The following SPIDR variants were observed in gnomAD, a reference collection of about 807,000 sequenced individuals.
SPIDR encodes DNA repair-scaffolding protein.
Under a neutral mutation model 104.6 loss-of-function variants are expected in SPIDR, and 93 were observed. The observed-to-expected ratio is 0.89, with a 90% CI of 0.75 to 1.06. The LOEUF (loss-of-function observed/expected upper bound fraction) is 1.06. SPIDR is among the 50% of genes least tolerant of loss of function. The pLI, the probability that SPIDR is intolerant of heterozygous loss-of-function variation, is 0.00. For missense variants in SPIDR, 1,154 were observed against 1,111.2 expected, an observed-to-expected ratio of 1.04 and a Z score of -0.55; for synonymous variants, 431 against 416.9, an observed-to-expected ratio of 1.03 and a Z score of -0.41.
intron 1 of SPIDR, 22 bp downstream of exon 1, chr8:47,261,013 G>A: frequency 8.1e-7 from 1 of 1,227,558 alleles, no homozygotes; most frequent in South Asian, 4.1e-5. Context: ...GGCGGGAGTG[G>A]GCGCCGCGCC....
intron 10 of SPIDR, among the ~76,000 whole-genome samples, chr8:47,648,157 T>C (rs898143413): frequency 6.6e-6 from 1 of 152,146 alleles, no homozygotes; most frequent in African/African-American, 2.4e-5. Flanking sequence ...GATAAAGACA[T>C]GGTGCAGAAC....
intron 10 of SPIDR, among the ~76,000 whole-genome samples, chr8:47,630,920 A>G (rs1336151120): frequency 1.3e-5 from 2 of 152,178 alleles, no homozygotes; most frequent in Admixed American, 6.5e-5. Flanking sequence ...GGCAGAAGGC[A>G]CAGTACCCCT....
chr8:47,693,216 A>G (rs2078914077), intron 11 of SPIDR, among the ~76,000 whole-genome samples: 1 of 152,236 alleles, frequency 6.6e-6, no homozygotes, highest in Non-Finnish European at 1.5e-5. Context: ...GGGTGACATA[A>G]AAGTAGATAA....
chr8:47,659,690 G>A (rs2073729455), intron 10 of SPIDR: 5 of 980,104 alleles, frequency 5.1e-6, no homozygotes, highest in Non-Finnish European at 4.8e-6. Flanking sequence ...CTTGCGCTCA[G>A]GTTCCAGCCC....
rs188647349 is a variant in SPIDR at position 47,546,711 on chromosome 8, G to A, written c.1098-49100G>A. The A allele has an allele frequency of 2.6e-3, 419 of 163,060 alleles. 4 individuals are homozygous for A. The highest frequency in any genetic ancestry group is 0.024 in the South Asian group (148 of 6,080). 10.1% of individuals were successfully genotyped at this position (163,060 alleles called of 1,614,324 possible). A position where few individuals can be genotyped will look rare whatever the true frequency, so the allele number is the denominator to read the frequency against. ...AGATTGTTGATTTGAACCTTTTCTC[G>A]TATACACATCTTTTTAAATTTATTT... On this transcript the variant is annotated intron_variant, in intron 8 of 19. Coordinates refer to ENST00000297423, the MANE Select transcript of SPIDR (RefSeq NM_001080394.4).
chr8:47,597,237 T>G (rs2061723336), intron 9 of SPIDR, among the ~76,000 whole-genome samples: 1 of 152,188 alleles, frequency 6.6e-6, no homozygotes, highest in African/African-American at 2.4e-5. Context: ...TTTTTATACT[T>G]TAAGTTTTAG....
intron 8 of SPIDR, among the ~76,000 whole-genome samples, chr8:47,522,216 C>G (rs1164366280): frequency 6.6e-6 from 1 of 151,174 alleles, no homozygotes; most frequent in Non-Finnish European, 1.5e-5. Flanking sequence ...CATGAATGAG[C>G]AGGAGAAAAA....
At chr8:47,322,633 G>A (rs879992726) in intron 5 of SPIDR, among the ~76,000 whole-genome samples, 1 of 152,200 alleles carries the variant, frequency 6.6e-6, no homozygotes. Flanking sequence ...AAAGACACAT[G>A]CACACGTATG....
intron 8 of SPIDR, chr8:47,546,914 C>T: frequency 2.2e-6 from 1 of 454,868 alleles, no homozygotes; most frequent in Non-Finnish European, 4.2e-6. Flanking sequence ...TTGCCAGTAA[C>T]AAAAACGTTG....
intron 8 of SPIDR, among the ~76,000 whole-genome samples, chr8:47,532,054 T>G (rs886518681): frequency 6.7e-6 from 1 of 148,650 alleles, no homozygotes; most frequent in Non-Finnish European, 1.5e-5. Context: ...AGACAAAGAT[T>G]GTCAGAGTGG....
chr8:47,642,217 A>T (rs2069180786), intron 10 of SPIDR, among the ~76,000 whole-genome samples: 1 of 152,020 alleles, frequency 6.6e-6, no homozygotes, highest in African/African-American at 2.4e-5. Flanking sequence ...AAGTAAGGAG[A>T]TCAAGACCAT....
rs150443329 is a variant in SPIDR, at chr8:47,689,518, T to C, written c.1686-10885T>C. 7.2e-4 allele frequency among the ~76,000 whole-genome samples: 110 copies of C among 152,294 alleles called. 2 individuals are homozygous for C. The highest frequency in any genetic ancestry group is 2.5e-3 in the African/African-American group (103 of 41,562). On this transcript the variant is annotated intron_variant, in intron 11 of 19. Coordinates refer to ENST00000297423, the MANE Select transcript of SPIDR (RefSeq NM_001080394.4). ...GCTTGAAGCTCATCAGGAATAAAGA[T>C]TTTACTCTATGCCATACAACTGGAA...
intron 10 of SPIDR, among the ~76,000 whole-genome samples, chr8:47,626,625 A>G (rs1398626502): frequency 6.6e-6 from 1 of 152,244 alleles, no homozygotes; most frequent in African/African-American, 2.4e-5. Context: ...CAGCCAGAAA[A>G]CACATGAAAA....
chr8:47,723,006 G>A (rs1239614166), intron 16 of SPIDR, among the ~76,000 whole-genome samples: 1 of 151,974 alleles, frequency 6.6e-6, no homozygotes, highest in East Asian at 1.9e-4. Flanking sequence ...ACCATGCCCA[G>A]TTAATTTTTG....
chr8:47,547,162 G>C (rs1346827599), intron 8 of SPIDR: 2 of 615,438 alleles, frequency 3.2e-6, no homozygotes, highest in Non-Finnish European at 3.1e-6. Context: ...GATGATGCGA[G>C]CATCATGAGT....
chr8:47,685,517 A>ATTTTATTTTTTT (rs1554577045), intron 11 of SPIDR, among the ~76,000 whole-genome samples: 1 of 130,098 alleles, frequency 7.7e-6, no homozygotes, highest in Non-Finnish European at 1.7e-5. Context: ...TTATTTATTT[A>ATTTTATTTTTTT]TTTTTTTGAG....
chr8:47,452,625 C>A (rs562884133), intron 8 of SPIDR, among the ~76,000 whole-genome samples: 1 of 152,286 alleles, frequency 6.6e-6, no homozygotes, highest in Non-Finnish European at 1.5e-5. Context: ...ATCATTATCT[C>A]AATAGATGCA....
At chr8:47,504,788 T>C (rs1307156581) in intron 8 of SPIDR, among the ~76,000 whole-genome samples, 1 of 152,230 alleles carries the variant, frequency 6.6e-6, no homozygotes, top group Non-Finnish European at 1.5e-5. Flanking sequence ...GTGTCTTTGA[T>C]GATAGTGACG....
chr8:47,708,608 A>G (rs1411874381), intron 14 of SPIDR, among the ~76,000 whole-genome samples: 2 of 152,218 alleles, frequency 1.3e-5, no homozygotes, highest in African/African-American at 4.8e-5. Flanking sequence ...ATGTAATGCC[A>G]TGTATCTACG....
Sources: allele counts gnomAD v4.1 joint callset (sites outside exome capture counted in the v4.1 genomes callset), GRCh38; gene constraint gnomAD v4.1.1; transcripts MANE v1.5; gene names NCBI Gene and HGNC (gene_info 2026-07-23, HGNC 2026-07-21).